The following KCNN2 variants were observed in gnomAD, a reference collection of about 807,000 sequenced individuals.
The protein encoded by KCNN2 is small conductance calcium-activated potassium channel protein 2.
Under a neutral mutation model 55.5 loss-of-function variants are expected in KCNN2, and 24 were observed. The observed-to-expected ratio is 0.43, with a 90% CI of 0.31 to 0.61. The LOEUF is 0.61. Ranked by LOEUF, KCNN2 falls within the 20% of genes least tolerant of loss-of-function variation. The pLI is 0.08. For synonymous variants in KCNN2, 431 were observed against 336.1 expected (o/e 1.28, Z -3.09); for missense variants, 754 against 853.6 (o/e 0.88, Z 1.45).
chr5:114,115,069 G>T (rs1269054869), intron 1 of KCNN2, among the ~76,000 whole-genome samples: 3 of 152,134 alleles, frequency 2.0e-5, no homozygotes, highest in Non-Finnish European at 4.4e-5. Context: ...ACATGGTGAA[G>T]TTCTAATTCT....
At chr5:114,265,983 G>A (rs1755202201) in intron 2 of KCNN2, among the ~76,000 whole-genome samples, 1 of 151,742 alleles carries the variant, frequency 6.6e-6, no homozygotes, top group South Asian at 2.1e-4. Flanking sequence ...AGAGATAGAG[G>A]GCAGTTTACA....
intron 3 of KCNN2, among the ~76,000 whole-genome samples, chr5:114,441,257 CTCAG>C (rs1760198695): frequency 6.6e-6 from 1 of 152,100 alleles, no homozygotes; most frequent in African/African-American, 2.4e-5. Flanking sequence ...GTTAATACAA[CTCAG>C]TATTTAATGA....
intron 2 of KCNN2, among the ~76,000 whole-genome samples, chr5:114,399,126 T>A (rs1410424542): frequency 6.6e-6 from 1 of 152,222 alleles, no homozygotes; most frequent in Non-Finnish European, 1.5e-5. Context: ...GTGCCAGTTT[T>A]CTAAGGGAAT....
intron 2 of KCNN2, among the ~76,000 whole-genome samples, chr5:114,337,654 A>G (rs1269553024): frequency 6.6e-6 from 1 of 152,192 alleles, no homozygotes; most frequent in Non-Finnish European, 1.5e-5. Flanking sequence ...CTGATTTGTG[A>G]TAATATCAAG....
intron 1 of KCNN2, chr5:114,056,995 T>A (rs960774038): frequency 6.6e-6 from 1 of 152,244 alleles, no homozygotes. Flanking sequence ...GAGCACCTAC[T>A]CTGTGCTGCT....
intron 1 of KCNN2, among the ~76,000 whole-genome samples, chr5:114,217,827 G>GA (rs1754037610): frequency 6.6e-6 from 1 of 151,916 alleles, no homozygotes; most frequent in South Asian, 2.1e-4. Flanking sequence ...GCCCAGACTG[G>GA]AAAAAACATT....
chr5:114,318,378 T>C (rs1311056074), intron 2 of KCNN2, among the ~76,000 whole-genome samples: 1 of 152,108 alleles, frequency 6.6e-6, no homozygotes, highest in East Asian at 1.9e-4. Flanking sequence ...AAAAATATTT[T>C]TTTCCTAGTA....
At chr5:114,282,042 C>T (rs1390196416) in intron 2 of KCNN2, among the ~76,000 whole-genome samples, 3 of 152,034 alleles carry the variant, frequency 2.0e-5, no homozygotes, top group Non-Finnish European at 4.4e-5. Context: ...ATGCCATTCT[C>T]ATGACTAATA....
At chr5:114,312,430 CACACATATATATATATATATATATAT>C (rs1428393884) in intron 2 of KCNN2, among the ~76,000 whole-genome samples, 2 of 21,798 alleles carry the variant, frequency 9.2e-5, no homozygotes, top group African/African-American at 2.9e-4. Context: ...CACACACACA[CACACATATATATATATATATATATAT>C]ATATATATAT....
Position 114,453,812 on chromosome 5 carries a change from AT to A in KCNN2, c.1638-9228del, listed in dbSNP as rs921252180. ...CACTTTTCCTCTTCCTATTAATGCA[AT>A]TTTTTTTTAACTTTCAGTTCCTGTG... On this transcript the variant is annotated intron_variant, in intron 3 of 7. Transcript: ENST00000673685. Among the ~76,000 whole-genome samples, 465 of 150,842 alleles carry A rather than the reference AT, an allele frequency of 3.1e-3. 1 individual carries two copies. The highest frequency in any genetic ancestry group is 8.8e-3 in the African/African-American group (360 of 41,100).
At chr5:114,105,194 C>A (rs960416643) in intron 1 of KCNN2, among the ~76,000 whole-genome samples, 1 of 151,982 alleles carries the variant, frequency 6.6e-6, no homozygotes, top group African/African-American at 2.4e-5. Flanking sequence ...TTGCACACCC[C>A]GCAGAGCCTA....
intron 3 of KCNN2, among the ~76,000 whole-genome samples, chr5:114,414,847 A>G (rs560172545): frequency 3.2e-4 from 49 of 152,334 alleles, no homozygotes; most frequent in African/African-American, 1.2e-3. Context: ...TACGCACCGT[A>G]AACTCCATCT....
At chr5:114,453,433 T>A (rs1760781265) in intron 3 of KCNN2, among the ~76,000 whole-genome samples, 1 of 152,230 alleles carries the variant, frequency 6.6e-6, no homozygotes. Context: ...CTTTTTAAGA[T>A]CTTTTCTTTA....
chr5:114,351,743 T>C (rs544092664), intron 2 of KCNN2, among the ~76,000 whole-genome samples: 2 of 151,894 alleles, frequency 1.3e-5, no homozygotes, highest in East Asian at 1.9e-4. Context: ...TTTATTGTAT[T>C]GATAGTTTGT....
intron 1 of KCNN2, among the ~76,000 whole-genome samples, chr5:114,119,964 A>G (rs2974457): frequency 0.072 from 10,938 of 152,162 alleles, 1,297 homozygotes; most frequent in African/African-American, 0.25. Flanking sequence ...GTCACCAAGA[A>G]GGAAAAGAAA....
chr5:114,149,270 G>T (rs60553494), intron 1 of KCNN2, among the ~76,000 whole-genome samples: 3,778 of 152,172 alleles, frequency 0.025, 148 homozygotes, highest in African/African-American at 0.086. Context: ...AGACCTTATC[G>T]TCGAGACCGA....
intron 3 of KCNN2, among the ~76,000 whole-genome samples, chr5:114,447,798 TACC>T (rs1760480692): frequency 6.6e-6 from 1 of 152,264 alleles, no homozygotes; most frequent in African/African-American, 2.4e-5. Flanking sequence ...GCTGAGTATG[TACC>T]ACACTTTACG....
At chr5:114,392,784 C>G (rs928716270) in intron 2 of KCNN2, among the ~76,000 whole-genome samples, 2 of 146,262 alleles carry the variant, frequency 1.4e-5, no homozygotes, top group Admixed American at 6.9e-5. Flanking sequence ...ATTTGGCTTT[C>G]TTCTGTAGTG....
chr5:114,443,029 A>T (rs1355897511), intron 3 of KCNN2, among the ~76,000 whole-genome samples: 1 of 152,164 alleles, frequency 6.6e-6, no homozygotes, highest in Non-Finnish European at 1.5e-5. Context: ...GCAGTGGCTC[A>T]AGTCTGTAAT....
Sources: allele counts gnomAD v4.1 joint callset (sites outside exome capture counted in the v4.1 genomes callset), GRCh38; gene constraint gnomAD v4.1.1; transcripts MANE v1.5; gene names NCBI Gene and HGNC (gene_info 2026-07-23, HGNC 2026-07-21).